COG8: variants seen among roughly 807,000 people sequenced by gnomAD.
COG8 encodes component of oligomeric golgi complex 8, also known as conserved oligomeric Golgi complex subunit 8.
COG8 carries 45 observed loss-of-function variants against 46.5 expected under a neutral mutation model. That is an observed-to-expected ratio of 0.97 (90% CI 0.76 to 1.24). COG8 has a LOEUF of 1.24. Among genes scored for constraint, COG8 ranks in the 50% most tolerant of loss-of-function variants. COG8 has a pLI of 0.00. For synonymous variants in COG8, 407 were observed against 347.8 expected (o/e 1.17, Z -1.90); for missense variants, 793 against 820.8 (o/e 0.97, Z 0.41).
At chr16:69,331,204 T>C (rs2011804034) in intron 4 of COG8, 109 bp from the exon 5 acceptor site, 1 of 1,248,344 alleles carries the variant, frequency 8.0e-7, no homozygotes, top group African/African-American at 1.5e-5. Context: ...TCCCAGCACT[T>C]TGGGAGGCCG....
Position 69,330,291 on chromosome 16 carries a change from G to A in COG8, c.*26+522C>T, listed in dbSNP as rs938798153. On this transcript the variant is annotated intron_variant, in intron 5 of 5. Coordinates refer to ENST00000306875, the MANE Select transcript of COG8 (RefSeq NM_032382.5). ...ACCTGGACCAGCCGTTGCGTCAGCC[G>A]CTGCAGCTCGGGCCCGCCTAGCTGC... The A allele has an allele frequency of 1.7e-4, 244 of 1,427,802 alleles. No individual in the cohort carries two copies. The highest frequency in any genetic ancestry group is 2.2e-4 in the Non-Finnish European group (241 of 1,100,204). The allele number at this position is 1,427,802 out of a possible 1,614,324, so 88.4% of individuals were successfully genotyped here. A position where few individuals can be genotyped will look rare whatever the true frequency, so the allele number is the denominator to read the frequency against.
chr16:69,330,031 G>A (rs963512346), intron 5 of COG8: 60 of 1,545,188 alleles, frequency 3.9e-5, no homozygotes, highest in Admixed American at 5.9e-5. Context: ...GGGGCACGCA[G>A]GCCAGGAAGC....
intron 3 of COG8, among the ~76,000 whole-genome samples, chr16:69,334,131 C>CA (rs1469734148): frequency 1.3e-5 from 2 of 152,152 alleles, no homozygotes; most frequent in Non-Finnish European, 2.9e-5. Context: ...CAGATGAGGC[C>CA]ATAGTCCAGC....
intron 1 of COG8, 180 bp downstream of exon 1, chr16:69,338,992 CAAAA>C (rs1048635827): frequency 1.2e-6 from 1 of 851,370 alleles, no homozygotes; most frequent in Non-Finnish European, 1.8e-6. Context: ...GACTCCGTCT[CAAAA>C]AAGATAAAAA....
rs748323421 is a variant in COG8, at chr16:69,330,189, G to A, written c.*26+624C>T. On this transcript the variant is annotated intron_variant, in intron 5 of 5. Transcript: ENST00000306875. ...GGGCACTCCCGACACAGCGCCTCGGGGAGCTCCAGCGCCAGCACCTGCCGC... is the reference window on the plus strand; with the variant it reads ...GGGCACTCCCGACACAGCGCCTCGGAGAGCTCCAGCGCCAGCACCTGCCGC... 7 of 1,483,556 alleles carry A rather than the reference G, an allele frequency of 4.7e-6. No homozygotes were observed. Among genetic ancestry groups the A allele is most frequent in the Admixed American group, 2.4e-5 (1 of 40,898 alleles). 91.9% of individuals were successfully genotyped at this position (1,483,556 alleles called of 1,614,324 possible).
chr16:69,330,230 G>A (rs1212742131), intron 5 of COG8: 1 of 1,450,490 alleles, frequency 6.9e-7, no homozygotes, highest in Admixed American at 2.8e-5. Flanking sequence ...CCCCAGCTGC[G>A]GCGCGCTTAG....
chr16:69,329,538 C>T (rs930587682), intron 5 of COG8, among the ~76,000 whole-genome samples: 2 of 152,216 alleles, frequency 1.3e-5, no homozygotes, highest in African/African-American at 4.8e-5. Context: ...GTTTTTCTGA[C>T]CATCTTGAAC....
intron 1 of COG8, chr16:69,338,589 CCTT>C (rs1298924170): frequency 6.5e-6 from 1 of 153,314 alleles, no homozygotes; most frequent in African/African-American, 2.4e-5. Flanking sequence ...CCACAACTGC[CCTT>C]CGAGGGAGGG....
chr16:69,339,361 C>T lies in COG8; in HGVS notation c.192G>A (p.Glu64=). The part of the protein sequence containing the change: ...SGSGLERLRR[E]PERLAEERAQ... ...CCCGCTCCTCCGCCAGGCGCTCGGG[C>T]TCGCGCCGCAGCCGCTCCAGCCCCG... The change falls in exon 1 of 6, where the codon GAG becomes GAA. Residue 64 remains glutamate, a synonymous_variant. Coordinates refer to ENST00000306875, the MANE Select transcript of COG8 (RefSeq NM_032382.5). 1 of 1,585,460 alleles carries T rather than the reference C, an allele frequency of 6.3e-7. No homozygotes were observed. Among genetic ancestry groups the T allele is most frequent in the Non-Finnish European group, 8.5e-7 (1 of 1,170,158 alleles).
rs75355398 is a variant in COG8, at chr16:69,334,485, G to A, written c.1413+36C>T. The stretch of plus-strand genomic sequence containing the variant: ...ATCTGGCCACCCATTACCAGAGAAG[G>A]CCCAGGGTAGCAGAAAACCAACAGA... On this transcript the variant is annotated intron_variant, in intron 3 of 5. Transcript: ENST00000306875. 4.9e-3 allele frequency: 7,825 copies of A among 1,581,520 alleles called. 320 individuals carry two copies. In the African/African-American group the frequency reaches 0.089, roughly 18 times the overall value.
In COG8 at chr16:69,332,758, C is replaced by G. The variant is rs533567997; in HGVS notation, c.1538G>C (p.Cys513Ser). The change falls in exon 4 of 6, where the codon TGT becomes TCT. Residue 513 changes from cysteine (C) to serine (S), a missense_variant. Transcript: ENST00000306875. Reference protein sequence around the residue: ...LEDLVPYLNRCLQVLFPPAQI... With the variant: ...LEDLVPYLNRSLQVLFPPAQI... ...AGCTGGTGGAAAAAGGACTTGGAGA[C>G]AGCGATTTAAATACGGAACAAGGTC... The G allele has an allele frequency of 6.1e-5, 99 of 1,614,184 alleles. No individual in the cohort carries two copies. In the South Asian group the frequency reaches 9.2e-4, roughly 15 times the overall value.
In COG8 at chr16:69,329,203, G is replaced by C. The variant is rs141051526; in HGVS notation, c.*27-24C>G. On this transcript the variant is annotated intron_variant, in intron 5 of 5. Transcript: ENST00000306875. The stretch of plus-strand genomic sequence containing the variant: ...CCCTGCAAAGGAAGTTACAGCCCTG[G>C]TGAGTGGGAACAGCTGAACTGCATC... The C allele has an allele frequency of 1.5e-3, 2,270 of 1,564,664 alleles. 3 individuals are homozygous for C. Among genetic ancestry groups the C allele is most frequent in the Admixed American group, 2.9e-3 (150 of 52,556 alleles).
At chr16:69,335,582 G>A (rs577440427) in intron 2 of COG8, among the ~76,000 whole-genome samples, 9 of 152,154 alleles carry the variant, frequency 5.9e-5, no homozygotes, top group African/African-American at 9.6e-5. Flanking sequence ...TCCCAGCACC[G>A]TGGGCAGGCA....
At chr16:69,329,510 C>T (rs953328147) in intron 5 of COG8, among the ~76,000 whole-genome samples, 2 of 152,340 alleles carry the variant, frequency 1.3e-5, no homozygotes, top group Middle Eastern at 3.4e-3. Context: ...AGAGGTTCTG[C>T]AGCTTGAGAC....
rs755291927 is a variant in COG8, at chr16:69,330,366, G to C, written c.*26+447C>G. 8.1e-6 allele frequency: 12 copies of C among 1,477,872 alleles called. No individual in the cohort carries two copies. The South Asian group carries it at 1.4e-4, about 17-fold the overall frequency. The allele number at this position is 1,477,872 out of a possible 1,614,324, so 91.5% of individuals were successfully genotyped here. A position where few individuals can be genotyped will look rare whatever the true frequency, so the allele number is the denominator to read the frequency against. On this transcript the variant is annotated intron_variant, in intron 5 of 5. Transcript: ENST00000306875. ...CCGCGCAGCACCGGGTCCCCGACTTGGCACACGTGCGAGAACGGCGGTTCG... is the reference window on the plus strand; with the variant it reads ...CCGCGCAGCACCGGGTCCCCGACTTCGCACACGTGCGAGAACGGCGGTTCG...
At chr16:69,337,734 CTT>C (rs879881954) in intron 1 of COG8, among the ~76,000 whole-genome samples, 11 of 142,602 alleles carry the variant, frequency 7.7e-5, no homozygotes, top group Non-Finnish European at 4.6e-5. Flanking sequence ...TCACAAAGGA[CTT>C]TTTTTTTTTT....
chr16:69,330,920 T>C lies in COG8; in HGVS notation c.1758A>G (p.Pro586=), dbSNP rs1285378734. 1 of 1,558,180 alleles carries C rather than the reference T, an allele frequency of 6.4e-7. No homozygotes were observed. Among genetic ancestry groups the C allele is most frequent in the African/African-American group, 1.4e-5 (1 of 73,580 alleles). The stretch of plus-strand genomic sequence containing the variant: ...AGGCTGGGCCCGCGGGCTCCAGGCG[T>C]GGCTCCTCGGCGGGAGGCTCTGGTG... The part of the protein sequence containing the change: ...APAPEPPAEE[P]RLEPAGPACP... The change falls in exon 5 of 6, where the codon CCA becomes CCG. Residue 586 remains proline, a synonymous_variant. Coordinates refer to ENST00000306875, the MANE Select transcript of COG8 (RefSeq NM_032382.5).
At position 69,331,174 on chromosome 16, in the gene COG8, G is replaced by A; in HGVS notation, c.1583-79C>T. 1.6e-5 allele frequency: 25 copies of A among 1,525,012 alleles called. No individual in the cohort carries two copies. In the South Asian group the frequency reaches 2.7e-4, roughly 16 times the overall value. 94.5% of individuals were successfully genotyped at this position (1,525,012 alleles called of 1,614,324 possible). ...TATAGAAATTTAAGGGAGGCCGGGC[G>A]CGGTGGCTCACGCCTGTAATCCCAG... On this transcript the variant is annotated intron_variant, in intron 4 of 5. Coordinates refer to ENST00000306875, the MANE Select transcript of COG8 (RefSeq NM_032382.5).
At position 69,326,544 on chromosome 16, in the gene COG8, G is replaced by T. The variant is rs1965599187; in HGVS notation, c.*2662C>A. 6.6e-6 allele frequency: 1 copy of T among 152,236 alleles called. No homozygotes were observed. The highest frequency in any genetic ancestry group is 1.5e-5 in the Non-Finnish European group (1 of 68,050). 9.4% of individuals were successfully genotyped at this position (152,236 alleles called of 1,614,324 possible). A position where few individuals can be genotyped will look rare whatever the true frequency, so the allele number is the denominator to read the frequency against. ...AAGTCCTAGGGGTTAACAAAGGTTA[G>T]CATGGCTATGGTCCATCCCTGTGCT... On this transcript the variant is annotated 3_prime_UTR_variant, in exon 6 of 6. Coordinates refer to ENST00000306875, the MANE Select transcript of COG8 (RefSeq NM_032382.5).
Sources: gnomAD v4.1 joint callset for allele counts (sites outside exome capture counted in the v4.1 genomes callset) on GRCh38, gnomAD v4.1.1 for gene constraint, MANE v1.5 for transcripts, NCBI Gene and HGNC (gene_info 2026-07-23, HGNC 2026-07-21) for gene names.